TLK1: variants seen among roughly 807,000 people sequenced by gnomAD.
TLK1 encodes serine/threonine-protein kinase tousled-like 1.
Under a neutral mutation model 105.3 loss-of-function variants are expected in TLK1, and 24 were observed. That is an observed-to-expected ratio of 0.23 (90% CI 0.17 to 0.32). TLK1 has a LOEUF of 0.32. Among genes scored for constraint, TLK1 ranks in the 10% least tolerant of loss-of-function variants. The probability of loss-of-function intolerance (pLI) is 1.00; values close to 1 mark genes in which losing one functional copy is unlikely to be tolerated. For synonymous variants in TLK1, 321 were observed against 310.4 expected (o/e 1.03, Z -0.36); for missense variants, 558 against 910.5 (o/e 0.61, Z 4.98).
intron 13 of TLK1, among the ~76,000 whole-genome samples, chr2:171,013,441 G>A (rs922695433): frequency 1.3e-5 from 2 of 148,714 alleles, no homozygotes; most frequent in African/African-American, 2.5e-5. Context: ...AAGTAGCTGC[G>A]ACTACAGGTG....
intron 1 of TLK1, among the ~76,000 whole-genome samples, chr2:171,149,094 CTTTT>C (rs1051135045): frequency 6.7e-5 from 5 of 74,252 alleles, no homozygotes; most frequent in African/African-American, 1.5e-4. Flanking sequence ...CTTTGAATTA[CTTTT>C]CTTTTTTTTT....
intron 13 of TLK1, among the ~76,000 whole-genome samples, chr2:171,014,512 T>A (rs1178649775): frequency 2.6e-5 from 4 of 152,022 alleles, no homozygotes; most frequent in Non-Finnish European, 5.9e-5. Flanking sequence ...GGACTACTAT[T>A]TTAAATAGGA....
chr2:171,037,620 T>C (rs187052110), intron 11 of TLK1, among the ~76,000 whole-genome samples: 23 of 152,148 alleles, frequency 1.5e-4, no homozygotes, highest in African/African-American at 4.6e-4. Flanking sequence ...TCGTATCTAT[T>C]AAGATAGTCA....
intron 1 of TLK1, among the ~76,000 whole-genome samples, chr2:171,121,203 AG>A (rs1310832272): frequency 6.6e-6 from 1 of 152,194 alleles, no homozygotes; most frequent in Non-Finnish European, 1.5e-5. Context: ...ATTTAAAAAT[AG>A]TTAACATGGT....
At chr2:171,182,935 A>AGAAAGAAAGAAAG (rs1553487147) in intron 1 of TLK1, among the ~76,000 whole-genome samples, 124 of 128,832 alleles carry the variant, frequency 9.6e-4, no homozygotes, top group African/African-American at 4.3e-3. Context: ...AAAAAAAAAA[A>AGAAAGAAAGAAAG]AAAGAAAGAA....
At chr2:171,117,920 CACAA>C in intron 1 of TLK1, 63 bp from the exon 2 acceptor site, 1 of 1,108,488 alleles carries the variant, frequency 9.0e-7, no homozygotes, top group Non-Finnish European at 1.3e-6. Flanking sequence ...TACTTACACA[CACAA>C]ATATATATAT....
intron 2 of TLK1, among the ~76,000 whole-genome samples, chr2:171,107,109 T>C (rs560060643): frequency 6.6e-6 from 1 of 152,318 alleles, no homozygotes; most frequent in Non-Finnish European, 1.5e-5. Context: ...GCCAGTTGTC[T>C]AGCAGTGTCC....
At chr2:171,187,057 C>CAAAAAAAAAAAAAAA (rs71013019) in intron 1 of TLK1, among the ~76,000 whole-genome samples, 4 of 34,042 alleles carry the variant, frequency 1.2e-4, no homozygotes, top group South Asian at 2.0e-3. Context: ...GACTCTGTCT[C>CAAAAAAAAAAAAAAA]AAAAAAAAAA....
At chr2:171,147,602 CCTCT>C (rs1237749494) in intron 1 of TLK1, among the ~76,000 whole-genome samples, 4 of 152,204 alleles carry the variant, frequency 2.6e-5, no homozygotes, top group African/African-American at 9.6e-5. Flanking sequence ...TAAATGTTTT[CCTCT>C]CTGTTTATGT....
chr2:171,031,165 A>G (rs1189424890), intron 11 of TLK1, among the ~76,000 whole-genome samples: 1 of 152,178 alleles, frequency 6.6e-6, no homozygotes, highest in African/African-American at 2.4e-5. Context: ...CAAATGACAA[A>G]AGAGCCATTT....
At chr2:171,027,168 G>C (rs1008103485) in intron 12 of TLK1, among the ~76,000 whole-genome samples, 3 of 151,874 alleles carry the variant, frequency 2.0e-5, no homozygotes, top group African/African-American at 7.3e-5. Context: ...TACCAGAATG[G>C]GTTTCTCCAT....
chr2:171,176,928 G>A (rs1692839955), intron 1 of TLK1, among the ~76,000 whole-genome samples: 1 of 151,818 alleles, frequency 6.6e-6, no homozygotes, highest in South Asian at 2.1e-4. Context: ...CACCTCCCGG[G>A]TTCAAGCAAT....
chr2:171,036,289 A>G (rs1244520260), intron 11 of TLK1, among the ~76,000 whole-genome samples: 2 of 152,216 alleles, frequency 1.3e-5, no homozygotes, highest in Non-Finnish European at 2.9e-5. Flanking sequence ...TATTAAAAAT[A>G]CAAAAATTAG....
At chr2:171,026,231 A>C (rs1685766323) in intron 12 of TLK1, among the ~76,000 whole-genome samples, 1 of 152,168 alleles carries the variant, frequency 6.6e-6, no homozygotes, top group African/African-American at 2.4e-5. Context: ...ACTGGGAAAG[A>C]GGAAAATACG....
chr2:171,074,479 C>G (rs1254839314), intron 3 of TLK1, among the ~76,000 whole-genome samples: 1 of 151,776 alleles, frequency 6.6e-6, no homozygotes, highest in Non-Finnish European at 1.5e-5. Context: ...AATACAAAAA[C>G]TAACCAGGCA....
intron 4 of TLK1, chr2:171,059,933 T>C (rs770488320): frequency 6.6e-7 from 1 of 1,519,372 alleles, no homozygotes; most frequent in East Asian, 2.3e-5. Flanking sequence ...CCTCCTGCTG[T>C]ACGACCCATT....
chr2:171,095,541 C>A (rs961283320), intron 2 of TLK1, among the ~76,000 whole-genome samples: 5 of 152,028 alleles, frequency 3.3e-5, no homozygotes, highest in African/African-American at 1.2e-4. Context: ...TAGAAAGACA[C>A]AAGCTACCAA....
At chr2:171,089,266 G>A (rs116295875) in intron 2 of TLK1, among the ~76,000 whole-genome samples, 2,286 of 152,276 alleles carry the variant, frequency 0.015, 22 homozygotes, top group Non-Finnish European at 0.026. Context: ...ACACCTTACT[G>A]TGTCATTTCA....
chr2:171,086,034 T>G (rs796650486), intron 2 of TLK1, among the ~76,000 whole-genome samples: 6 of 152,360 alleles, frequency 3.9e-5, no homozygotes, highest in African/African-American at 1.2e-4. Flanking sequence ...AATTCTATCC[T>G]CTGCTTCGTA....
Sources: allele counts gnomAD v4.1 joint callset (sites outside exome capture counted in the v4.1 genomes callset), GRCh38; gene constraint gnomAD v4.1.1; transcripts MANE v1.5; gene names NCBI Gene and HGNC (gene_info 2026-07-23, HGNC 2026-07-21).